The following GASK1A variants were observed in gnomAD, a reference collection of about 807,000 sequenced individuals.
The protein encoded by GASK1A is Golgi-associated kinase 1A.
GASK1A carries 40 observed loss-of-function variants against 41.2 expected under a neutral mutation model. The observed-to-expected ratio is 0.97, with a 90% CI of 0.75 to 1.27. The LOEUF (loss-of-function observed/expected upper bound fraction) is 1.27, where lower values mean the gene tolerates loss of function less well. Ranked by LOEUF, GASK1A falls within the 50% of genes most tolerant of loss-of-function variation. The probability of loss-of-function intolerance (pLI) is 0.00; values close to 1 mark genes in which losing one functional copy is unlikely to be tolerated. For synonymous variants in GASK1A, 316 were observed against 307.1 expected (o/e 1.03, Z -0.30); for missense variants, 678 against 745.1 (o/e 0.91, Z 1.05).
intron 1 of GASK1A, among the ~76,000 whole-genome samples, chr3:43,018,276 G>GT (rs2089504679): frequency 6.6e-6 from 1 of 152,166 alleles, no homozygotes; most frequent in African/African-American, 2.4e-5. Flanking sequence ...TTCTACCATT[G>GT]TAACATTATC....
intron 1 of GASK1A, among the ~76,000 whole-genome samples, chr3:43,011,867 A>ACTGGAAGT: frequency 6.6e-6 from 1 of 150,446 alleles, no homozygotes; most frequent in East Asian, 2.0e-4. Flanking sequence ...GTGTGAAGCC[A>ACTGGAAGT]AGGAAGGGGC....
At chr3:42,994,910 A>G (rs78194914) in intron 1 of GASK1A, among the ~76,000 whole-genome samples, 1,927 of 152,336 alleles carry the variant, frequency 0.013, 46 homozygotes, top group African/African-American at 0.04. Flanking sequence ...TTCTGAGATG[A>G]TGGAAATGTT....
At chr3:43,018,722 C>T (rs1160094705) in intron 1 of GASK1A, among the ~76,000 whole-genome samples, 1 of 152,100 alleles carries the variant, frequency 6.6e-6, no homozygotes, top group Non-Finnish European at 1.5e-5. Flanking sequence ...CTCAATTTGT[C>T]CTGATAGAAA....
At chr3:43,019,832 ACT>A (rs1392296684) in intron 1 of GASK1A, among the ~76,000 whole-genome samples, 1 of 151,306 alleles carries the variant, frequency 6.6e-6, no homozygotes, top group Non-Finnish European at 1.5e-5. Context: ...CACCCAGAAA[ACT>A]CTTAAAAAAC....
Position 42,999,001 on chromosome 3 carries a change from G to A in GASK1A, c.3+19356G>A, listed in dbSNP as rs114125504. Among the ~76,000 whole-genome samples the A allele has an allele frequency of 7.3e-3, 1,102 of 151,854 alleles. 18 individuals are homozygous for A. Among genetic ancestry groups the A allele is most frequent in the African/African-American group, 0.025 (1,050 of 41,370 alleles). On this transcript the variant is annotated intron_variant, in intron 1 of 4. Transcript: ENST00000430121. ...TTTTTTTAACCTAATATGTGTGTGCGTGTGTGTGTACACGTGTACATATCA... is the reference window on the plus strand; with the variant it reads ...TTTTTTTAACCTAATATGTGTGTGCATGTGTGTGTACACGTGTACATATCA...
chr3:43,004,164 A>G (rs2125677738), intron 1 of GASK1A, among the ~76,000 whole-genome samples: 1 of 152,228 alleles, frequency 6.6e-6, no homozygotes, highest in East Asian at 1.9e-4. Flanking sequence ...CTTTTTTCTT[A>G]GACTTCCCAA....
chr3:43,056,336 G>A lies in GASK1A; in HGVS notation c.1678G>A (p.Gly560Arg), dbSNP rs1355974535. Reference sequence around the variant, plus strand: ...GGAGCAGCGAGGACAGGTGCTGCTGGGACACATCCAAAAGCACAACCTCAC... The same window carrying A: ...GGAGCAGCGAGGACAGGTGCTGCTGAGACACATCCAAAAGCACAACCTCAC... Reference protein sequence around the residue: ...TLEQRGQVLLGHIQKHNLTLF... With the variant: ...TLEQRGQVLLRHIQKHNLTLF... The change falls in exon 5 of 5, where the codon GGA becomes AGA. Residue 560 changes from glycine (G) to arginine (R), a missense_variant. Physicochemically the swap from Gly to Arg is moderately radical, Grantham distance 125. Transcript: ENST00000430121. The A allele has an allele frequency of 1.9e-6, 3 of 1,551,264 alleles. No individual in the cohort carries two copies. Among genetic ancestry groups the A allele is most frequent in the Non-Finnish European group, 2.6e-6 (3 of 1,146,968 alleles).
chr3:43,056,398 C>A lies in GASK1A; in HGVS notation c.*12C>A. ...ACGAGGACCCATAAGCCGCACACAGCCCTGAGTCAATGAGCATCCATCCTG... is the reference window on the plus strand; with the variant it reads ...ACGAGGACCCATAAGCCGCACACAGACCTGAGTCAATGAGCATCCATCCTG... On this transcript the variant is annotated 3_prime_UTR_variant, in exon 5 of 5. Coordinates refer to ENST00000430121, the MANE Select transcript of GASK1A (RefSeq NM_001129908.3). The A allele has an allele frequency of 6.6e-7, 1 of 1,514,362 alleles. No individual in the cohort carries two copies. 93.8% of individuals were successfully genotyped at this position (1,514,362 alleles called of 1,614,324 possible).
At chr3:42,985,587 G>GTGTGTGTGT (rs1553613312) in intron 1 of GASK1A, among the ~76,000 whole-genome samples, 1 of 85,730 alleles carries the variant, frequency 1.2e-5, no homozygotes, top group African/African-American at 2.8e-5. Context: ...GTGTGTGTGT[G>GTGTGTGTGT]GGCGGAGGCA....
At chr3:43,023,296 C>A (rs184897298) in intron 1 of GASK1A, among the ~76,000 whole-genome samples, 1 of 152,188 alleles carries the variant, frequency 6.6e-6, no homozygotes, top group South Asian at 2.1e-4. Context: ...AACAGATTCT[C>A]CCCTAGAGCC....
intron 4 of GASK1A, chr3:43,055,838 C>G: frequency 2.1e-6 from 1 of 471,244 alleles, no homozygotes; most frequent in Non-Finnish European, 3.9e-6. Context: ...GAGTCTACCC[C>G]TCCCAGCTCA....
chr3:43,041,281 A>G (rs1273144705), intron 2 of GASK1A, among the ~76,000 whole-genome samples: 1 of 152,020 alleles, frequency 6.6e-6, no homozygotes, highest in African/African-American at 2.4e-5. Flanking sequence ...CTAGTTCTAG[A>G]TCCCTGAGGA....
Position 43,056,369 on chromosome 3 carries a change from A to G in GASK1A, c.1711A>G (p.Arg571Gly). 1.6e-5 allele frequency: 25 copies of G among 1,548,508 alleles called. No individual in the cohort carries two copies. Among genetic ancestry groups the G allele is most frequent in the Non-Finnish European group, 2.1e-5 (24 of 1,145,790 alleles). Residue 571 changes from arginine (R) to glycine (G), a missense_variant, in exon 5 of 5, where the codon AGG (arginine) becomes GGG (glycine). Arg to Gly is a moderately radical substitution (Grantham distance 125, BLOSUM62 -2). Coordinates refer to ENST00000430121, the MANE Select transcript of GASK1A (RefSeq NM_001129908.3). ...HIQKHNLTLF[R>G]DEDP ...CCAAAAGCACAACCTCACACTCTTCAGGGACGAGGACCCATAAGCCGCACA... is the reference window on the plus strand; with the variant it reads ...CCAAAAGCACAACCTCACACTCTTCGGGGACGAGGACCCATAAGCCGCACA...
intron 2 of GASK1A, among the ~76,000 whole-genome samples, chr3:43,043,246 C>A (rs2089646679): frequency 6.6e-6 from 1 of 152,148 alleles, no homozygotes; most frequent in African/African-American, 2.4e-5. Context: ...GGGCATGGGC[C>A]ACCAGAGACA....
chr3:43,034,321 G>A (rs949552445), intron 2 of GASK1A, among the ~76,000 whole-genome samples: 19 of 152,208 alleles, frequency 1.2e-4, no homozygotes, highest in African/African-American at 4.3e-4. Context: ...TGGAGTTGCT[G>A]GATCGAGGGG....
At chr3:42,980,480 G>A (rs142648972) in intron 1 of GASK1A, among the ~76,000 whole-genome samples, 2,123 of 152,292 alleles carry the variant, frequency 0.014, 29 homozygotes, top group Non-Finnish European at 0.02. Context: ...GGCTGCTTCC[G>A]TGCCTGCTCG....
At chr3:43,034,325 C>T (rs912712023) in intron 2 of GASK1A, among the ~76,000 whole-genome samples, 8 of 152,032 alleles carry the variant, frequency 5.3e-5, no homozygotes, top group East Asian at 1.9e-4. Flanking sequence ...GTTGCTGGAT[C>T]GAGGGGTAGT....
chr3:43,016,436 A>ACAGGAAGGGGCGGTG (rs2089491679), intron 1 of GASK1A, among the ~76,000 whole-genome samples: 1 of 149,782 alleles, frequency 6.7e-6, no homozygotes, highest in South Asian at 2.1e-4. Context: ...GCAGTGTGAC[A>ACAGGAAGGGGCGGTG]TGACAGGAAG....
Position 43,032,446 on chromosome 3 carries a change from G to A in GASK1A, c.183G>A (p.Arg61=), listed in dbSNP as rs1479025123. The A allele has an allele frequency of 1.2e-5, 19 of 1,551,078 alleles. No individual in the cohort carries two copies. Among genetic ancestry groups the A allele is most frequent in the African/African-American group, 4.1e-5 (3 of 73,036 alleles). The change falls in exon 2 of 5, where the codon CGG becomes CGA. Residue 61 remains arginine (R), a synonymous_variant. Transcript: ENST00000430121. ...CTGGCGCCCCTGCAACCCATATCCG[G>A]CAGGCTTTGAGCTCCAGCCGGAGGC... The part of the protein sequence containing the change: ...GVTGAPATHI[R]QALSSSRRQR...
Sources: gnomAD v4.1 joint callset for allele counts (sites outside exome capture counted in the v4.1 genomes callset) on GRCh38, gnomAD v4.1.1 for gene constraint, MANE v1.5 for transcripts, NCBI Gene and HGNC (gene_info 2026-07-23, HGNC 2026-07-21) for gene names.